HUNK: variants seen among roughly 807,000 people sequenced by gnomAD.
The protein encoded by HUNK is hormonally up-regulated neu tumor-associated kinase.
HUNK carries 21 observed loss-of-function variants against 61.0 expected under a neutral mutation model. The observed-to-expected ratio is 0.34, with a 90% CI of 0.24 to 0.50. The LOEUF (loss-of-function observed/expected upper bound fraction) is 0.50. Among genes scored for constraint, HUNK ranks in the 20% least tolerant of loss-of-function variants. The pLI is 0.98. For missense variants in HUNK, 772 were observed against 945.7 expected (o/e 0.82, Z 2.41); for synonymous variants, 371 against 386.1 (o/e 0.96, Z 0.46).
intron 6 of HUNK, among the ~76,000 whole-genome samples, chr21:31,972,409 A>G (rs1463523160): frequency 1.3e-5 from 2 of 152,228 alleles, no homozygotes; most frequent in Admixed American, 6.5e-5. Flanking sequence ...CATGGTTTAT[A>G]GGAAAACATT....
At chr21:31,931,469 C>G (rs924867591) in intron 2 of HUNK, among the ~76,000 whole-genome samples, 1 of 152,356 alleles carries the variant, frequency 6.6e-6, no homozygotes, top group East Asian at 1.9e-4. Context: ...GTGGCATCTC[C>G]CTCTGCCAGT....
At chr21:31,988,207 C>T (rs1010519498) in intron 8 of HUNK, among the ~76,000 whole-genome samples, 7 of 152,148 alleles carry the variant, frequency 4.6e-5, no homozygotes, top group South Asian at 2.1e-4. Flanking sequence ...CGTGTGTGCC[C>T]GACGGACTCC....
chr21:31,957,078 G>T (rs1295468240), intron 4 of HUNK, among the ~76,000 whole-genome samples: 1 of 152,158 alleles, frequency 6.6e-6, no homozygotes, highest in African/African-American at 2.4e-5. Context: ...CTGTTTCTAA[G>T]TTCTCAGTCT....
intron 1 of HUNK, among the ~76,000 whole-genome samples, chr21:31,902,690 C>T (rs528816363): frequency 2.0e-5 from 3 of 152,252 alleles, no homozygotes; most frequent in African/African-American, 7.2e-5. Context: ...ATGAAATTTA[C>T]AGAGAAATGG....
At chr21:31,918,659 T>A (rs2052601572) in intron 1 of HUNK, among the ~76,000 whole-genome samples, 1 of 152,218 alleles carries the variant, frequency 6.6e-6, no homozygotes, top group South Asian at 2.1e-4. Flanking sequence ...CTTGTCTCCG[T>A]CTTCACTTTG....
chr21:31,991,960 G>A (rs1367965725), intron 9 of HUNK, among the ~76,000 whole-genome samples: 1 of 152,124 alleles, frequency 6.6e-6, no homozygotes, highest in Non-Finnish European at 1.5e-5. Context: ...CCCAGAGCTG[G>A]GAAGGATCCA....
chr21:31,919,882 C>A (rs1010673), intron 1 of HUNK, among the ~76,000 whole-genome samples: 5 of 152,156 alleles, frequency 3.3e-5, no homozygotes, highest in African/African-American at 1.2e-4. Flanking sequence ...CCTGGAAATG[C>A]GTCCCAAAGG....
chr21:31,885,406 C>T (rs549293357), intron 1 of HUNK, among the ~76,000 whole-genome samples: 5 of 152,202 alleles, frequency 3.3e-5, no homozygotes, highest in Admixed American at 6.5e-5. Context: ...CTCGGCCTGA[C>T]GACCGTCTCT....
At position 31,998,665 on chromosome 21, in the gene HUNK, C is replaced by G. The variant is rs1231832954; in HGVS notation, c.1626C>G (p.Pro542=). ...VKKPEPHQPG[P]GSTGIPHKED... is the part of the protein sequence containing the mutation. Reference sequence around the variant, plus strand: ...AACCGGAGCCCCATCAGCCAGGGCCCGGAAGCACTGGCATCCCCCACAAGG... The same window carrying G: ...AACCGGAGCCCCATCAGCCAGGGCCGGGAAGCACTGGCATCCCCCACAAGG... The change falls in exon 11 of 11, where the codon CCC becomes CCG. Residue 542 remains proline (P), a synonymous_variant. Transcript: ENST00000270112. 8 of 1,614,168 alleles carry G rather than the reference C, an allele frequency of 5.0e-6. No homozygotes were observed. In the African/African-American group the frequency reaches 1.1e-4, roughly 22 times the overall value.
Position 32,001,561 on chromosome 21 carries a change from C to T in HUNK, c.*2377C>T, listed in dbSNP as rs962744157. Reference sequence around the variant, plus strand: ...AGCTGCACATGTGCCGCTAACTGACCGCGTTGCCATTGGCGACCTGGACTC... The same window carrying T: ...AGCTGCACATGTGCCGCTAACTGACTGCGTTGCCATTGGCGACCTGGACTC... On this transcript the variant is annotated 3_prime_UTR_variant, in exon 11 of 11. Transcript: ENST00000270112. 2.6e-5 allele frequency: 4 copies of T among 152,506 alleles called. No individual in the cohort carries two copies. Among genetic ancestry groups the T allele is most frequent in the Admixed American group, 6.6e-5 (1 of 15,256 alleles). 9.4% of individuals were successfully genotyped at this position (152,506 alleles called of 1,614,324 possible).
At position 31,999,457 on chromosome 21, in the gene HUNK, C is replaced by T. The variant is rs2053231475; in HGVS notation, c.*273C>T. The T allele has an allele frequency of 4.8e-6, 2 of 413,696 alleles. No individual in the cohort carries two copies. The highest frequency in any genetic ancestry group is 8.6e-6 in the Non-Finnish European group (2 of 233,576). 25.6% of individuals were successfully genotyped at this position (413,696 alleles called of 1,614,324 possible). A position where few individuals can be genotyped will look rare whatever the true frequency, so the allele number is the denominator to read the frequency against. ...GTACTCACCAACCCCTTCCACTTCC[C>T]ACTTCCCCCAGGCTTGGGGGGAAAA... On this transcript the variant is annotated 3_prime_UTR_variant, in exon 11 of 11. Coordinates refer to ENST00000270112, the MANE Select transcript of HUNK (RefSeq NM_014586.2).
chr21:31,877,451 A>C (rs1263092967), intron 1 of HUNK, among the ~76,000 whole-genome samples: 3 of 152,096 alleles, frequency 2.0e-5, no homozygotes, highest in Non-Finnish European at 4.4e-5. Context: ...TTTCCTCTGA[A>C]GTTGTTTGTT....
At chr21:31,926,889 A>G (rs1276984551) in intron 2 of HUNK, among the ~76,000 whole-genome samples, 1 of 152,150 alleles carries the variant, frequency 6.6e-6, no homozygotes, top group Non-Finnish European at 1.5e-5. Flanking sequence ...AAAATTCAAC[A>G]TTTAATGATA....
At chr21:31,987,939 G>A (rs914257611) in intron 8 of HUNK, among the ~76,000 whole-genome samples, 1 of 152,178 alleles carries the variant, frequency 6.6e-6, no homozygotes, top group African/African-American at 2.4e-5. Flanking sequence ...TGTGGCCCAG[G>A]GCTCGTGTCC....
chr21:31,940,130 T>C, intron 2 of HUNK, 35 bp from the exon 3 acceptor site: 1 of 1,520,894 alleles, frequency 6.6e-7, no homozygotes, highest in Non-Finnish European at 9.0e-7. Context: ...TTTCGAATGC[T>C]TATCTGAAAT....
At chr21:31,940,081 C>A in intron 2 of HUNK, 84 bp from the exon 3 acceptor site, 1 of 1,081,702 alleles carries the variant, frequency 9.2e-7, no homozygotes, top group Non-Finnish European at 1.4e-6. Flanking sequence ...GCTCTAAAAA[C>A]AGTTCATTTC....
At position 31,999,467 on chromosome 21, in the gene HUNK, A is replaced by C; in HGVS notation, c.*283A>C. The C allele has an allele frequency of 2.6e-6, 1 of 386,550 alleles. No homozygotes were observed. The highest frequency in any genetic ancestry group is 4.3e-5 in the East Asian group (1 of 23,396). The allele number at this position is 386,550 out of a possible 1,614,324, so 23.9% of individuals were successfully genotyped here. ...ACCCCTTCCACTTCCCACTTCCCCC[A>C]GGCTTGGGGGGAAAACAGGGCATGA... On this transcript the variant is annotated 3_prime_UTR_variant, in exon 11 of 11. Coordinates refer to ENST00000270112, the MANE Select transcript of HUNK (RefSeq NM_014586.2).
At chr21:31,917,295 C>T (rs1382296824) in intron 1 of HUNK, among the ~76,000 whole-genome samples, 1 of 151,560 alleles carries the variant, frequency 6.6e-6, no homozygotes, top group Non-Finnish European at 1.5e-5. Flanking sequence ...CAGACTCAAG[C>T]GATCCTCTCA....
At chr21:31,987,920 A>C (rs2053145004) in intron 8 of HUNK, among the ~76,000 whole-genome samples, 1 of 152,188 alleles carries the variant, frequency 6.6e-6, no homozygotes, top group Non-Finnish European at 1.5e-5. Flanking sequence ...GATTGTGAGC[A>C]AACCAGGGTG....
Sources: allele counts gnomAD v4.1 joint callset (sites outside exome capture counted in the v4.1 genomes callset), GRCh38; gene constraint gnomAD v4.1.1; transcripts MANE v1.5; gene names NCBI Gene and HGNC (gene_info 2026-07-23, HGNC 2026-07-21).